SMYD4: variants seen among roughly 807,000 people sequenced by gnomAD.
SMYD4 encodes protein-lysine N-methyltransferase SMYD4.
A neutral mutation model predicts 72.8 loss-of-function variants in SMYD4; 68 were observed. The observed-to-expected ratio is 0.93, with a 90% CI of 0.77 to 1.14. The LOEUF is 1.14. SMYD4 is among the 50% of genes most tolerant of loss of function. SMYD4 has a pLI of 0.00. For synonymous variants in SMYD4, 407 were observed against 388.6 expected, an observed-to-expected ratio of 1.05 and a Z score of -0.56; for missense variants, 984 against 1,003.7, an observed-to-expected ratio of 0.98 and a Z score of 0.27.
At chr17:1,819,271 C>T (rs1313961361) in intron 2 of SMYD4, among the ~76,000 whole-genome samples, 1 of 152,106 alleles carries the variant, frequency 6.6e-6, no homozygotes, top group East Asian at 1.9e-4. Context: ...GCAGGAGAAT[C>T]GCTTGAATAC....
intron 5 of SMYD4, among the ~76,000 whole-genome samples, chr17:1,791,624 G>A (rs1172362163): frequency 5.9e-5 from 9 of 152,246 alleles, no homozygotes; most frequent in South Asian, 2.1e-4. Context: ...TGGTGGGCGC[G>A]TCAGTGGAAC....
intron 7 of SMYD4, among the ~76,000 whole-genome samples, chr17:1,785,647 CT>C (rs1908642514): frequency 6.6e-6 from 1 of 151,680 alleles, no homozygotes; most frequent in African/African-American, 2.4e-5. Context: ...GTAATCCCAG[CT>C]ACTGGGGAGG....
At chr17:1,825,431 A>G (rs989709001) in intron 2 of SMYD4, among the ~76,000 whole-genome samples, 1 of 151,906 alleles carries the variant, frequency 6.6e-6, no homozygotes, top group Non-Finnish European at 1.5e-5. Context: ...ATTTTTATCA[A>G]CTCCCAAGTA....
intron 5 of SMYD4, among the ~76,000 whole-genome samples, chr17:1,799,311 G>A (rs115901731): frequency 0.01 from 1,545 of 151,994 alleles, 29 homozygotes; most frequent in African/African-American, 0.035. Flanking sequence ...ACTCTGTAAA[G>A]TTAGCTGGGA....
intron 2 of SMYD4, among the ~76,000 whole-genome samples, chr17:1,827,602 A>G (rs1911257836): frequency 6.6e-6 from 1 of 152,098 alleles, no homozygotes; most frequent in Admixed American, 6.6e-5. Flanking sequence ...TGGGATAGAA[A>G]CGAACCAGGA....
intron 3 of SMYD4, among the ~76,000 whole-genome samples, chr17:1,808,668 C>T (rs947913329): frequency 6.6e-6 from 1 of 152,248 alleles, no homozygotes; most frequent in Non-Finnish European, 1.5e-5. Context: ...TCTCCCTCCA[C>T]ATTCAGAGCA....
At chr17:1,829,393 A>T (rs1911399506) in intron 1 of SMYD4, 1 of 152,104 alleles carries the variant, frequency 6.6e-6, no homozygotes, top group East Asian at 1.9e-4. Flanking sequence ...ACGTTCTTCG[A>T]CTCGGCTCAA....
chr17:1,798,061 T>C (rs1909498702), intron 5 of SMYD4, among the ~76,000 whole-genome samples: 1 of 151,978 alleles, frequency 6.6e-6, no homozygotes, highest in South Asian at 2.1e-4. Flanking sequence ...CTCTTCTTTC[T>C]GCAGTCTGGT....
At chr17:1,823,439 A>T (rs1282510448) in intron 2 of SMYD4, among the ~76,000 whole-genome samples, 3 of 151,566 alleles carry the variant, frequency 2.0e-5, no homozygotes, top group African/African-American at 7.3e-5. Context: ...AGCCAATTCT[A>T]AAGTTCACAT....
intron 9 of SMYD4, 99 bp from the exon 10 acceptor site, chr17:1,783,257 C>T: frequency 1.2e-6 from 2 of 1,611,110 alleles, no homozygotes; most frequent in South Asian, 2.2e-5. Context: ...GGAGCACCCT[C>T]AGTTTACAGA....
chr17:1,783,055 C>T lies in SMYD4; in HGVS notation c.2241G>A (p.Leu747=). 6.2e-7 allele frequency: 1 copy of T among 1,614,096 alleles called. No individual in the cohort carries two copies. Among genetic ancestry groups the T allele is most frequent in the Non-Finnish European group, 8.5e-7 (1 of 1,180,030 alleles). The stretch of plus-strand genomic sequence containing the variant: ...CTCACCCGTTGAAAAAGATCTGGGC[C>T]AATTTGAAGAGCTCATGGCCCATTT... ...SVEMGHELFK[L]AQIFFNGFAV... is the part of the protein sequence containing the mutation. The change falls in exon 10 of 11, where the codon TTG becomes TTA. Residue 747 remains leucine (L), a synonymous_variant. Coordinates refer to ENST00000305513, the MANE Select transcript of SMYD4 (RefSeq NM_052928.3).
chr17:1,826,514 A>AAGAAAAG (rs1911185238), intron 2 of SMYD4, among the ~76,000 whole-genome samples: 2 of 105,838 alleles, frequency 1.9e-5, no homozygotes, highest in African/African-American at 6.2e-5. Flanking sequence ...AAAAAAAAAA[A>AAGAAAAG]AAAAGAAAAG....
At chr17:1,810,946 C>T (rs554774422) in intron 3 of SMYD4, among the ~76,000 whole-genome samples, 54 of 152,202 alleles carry the variant, frequency 3.5e-4, no homozygotes, top group Non-Finnish European at 7.4e-4. Context: ...CTGAGAGCTA[C>T]TTCTACTCAA....
rs1054391718 is a variant in SMYD4 at position 1,818,002 on chromosome 17, G to C, written c.135-5887C>G. Among the ~76,000 whole-genome samples, 3 of 140,622 alleles carry C rather than the reference G, an allele frequency of 2.1e-5. No individual in the cohort carries two copies. In the South Asian group the frequency reaches 6.6e-4, roughly 31 times the overall value. The allele number at this position is 140,622 out of a possible 152,430, so 92.3% of individuals were successfully genotyped here. On this transcript the variant is annotated intron_variant, in intron 2 of 10. Transcript: ENST00000305513. ...GCGGAGCTTGCAGTGAGCCGAGATCGTGCCACTGCACTCCAGCCTGGGCGA... is the reference window on the plus strand; with the variant it reads ...GCGGAGCTTGCAGTGAGCCGAGATCCTGCCACTGCACTCCAGCCTGGGCGA...
rs1002540355 is a variant in SMYD4, at chr17:1,811,904, G to T, written c.279+67C>A. 5 of 1,562,384 alleles carry T rather than the reference G, an allele frequency of 3.2e-6. No individual in the cohort carries two copies. In the African/African-American group the frequency reaches 6.8e-5, roughly 21 times the overall value. On this transcript the variant is annotated intron_variant, in intron 3 of 10. Transcript: ENST00000305513. The stretch of plus-strand genomic sequence containing the variant: ...ATTATACCACTGTACTCCAGCCTGG[G>T]TAACACAGCAAGATTCTGTCTCAGA...
chr17:1,784,559 T>A (rs758710703), intron 7 of SMYD4, 98 bp from the exon 8 acceptor site: 12 of 1,537,338 alleles, frequency 7.8e-6, no homozygotes, highest in Non-Finnish European at 1.0e-5. Flanking sequence ...TCTTACCTCA[T>A]GGGGGAAAGA....
At chr17:1,812,693 C>T (rs563353823) in intron 2 of SMYD4, among the ~76,000 whole-genome samples, 17 of 151,036 alleles carry the variant, frequency 1.1e-4, no homozygotes, top group Admixed American at 7.3e-4. Context: ...GGATTACAGG[C>T]GCCCATCACC....
intron 10 of SMYD4, chr17:1,782,447 C>A: frequency 6.7e-6 from 1 of 149,312 alleles, no homozygotes; most frequent in South Asian, 1.9e-4. Flanking sequence ...CCACTGTACT[C>A]CAGCCTGGGC....
intron 2 of SMYD4, 149 bp downstream of exon 2, chr17:1,827,712 G>T: frequency 3.8e-6 from 4 of 1,059,438 alleles, no homozygotes; most frequent in Non-Finnish European, 5.3e-6. Context: ...AAGGTGGGAG[G>T]ATTGCTTGAG....
Sources: gnomAD v4.1 joint callset for allele counts (sites outside exome capture counted in the v4.1 genomes callset) on GRCh38, gnomAD v4.1.1 for gene constraint, MANE v1.5 for transcripts, NCBI Gene and HGNC (gene_info 2026-07-23, HGNC 2026-07-21) for gene names.